The following ADAMTS17 variants were observed in gnomAD, a reference collection of about 807,000 sequenced individuals.
ADAMTS17 encodes the protein A disintegrin and metalloproteinase with thrombospondin motifs 17.
In ADAMTS17, 113 loss-of-function variants were observed where a neutral mutation model predicts 141.5. The ratio of observed to expected loss-of-function variants is 0.80; its 90% CI spans 0.69 to 0.93. ADAMTS17 has a LOEUF of 0.93. ADAMTS17 is among the 40% of genes least tolerant of loss of function. The probability of loss-of-function intolerance (pLI) is 0.00; values close to 1 mark genes in which losing one functional copy is unlikely to be tolerated. For synonymous variants in ADAMTS17, 768 were observed against 630.6 expected (o/e 1.22, Z -3.27); for missense variants, 1,659 against 1,517.9 (o/e 1.09, Z -1.54).
At chr15:100,309,708 T>C (rs1457050646) in intron 3 of ADAMTS17, among the ~76,000 whole-genome samples, 3 of 152,212 alleles carry the variant, frequency 2.0e-5, no homozygotes, top group Non-Finnish European at 4.4e-5. Flanking sequence ...CTGGCTCATA[T>C]CTTGCTTCCC....
intron 15 of ADAMTS17, among the ~76,000 whole-genome samples, chr15:100,092,758 C>G (rs995278943): frequency 6.6e-6 from 1 of 152,078 alleles, no homozygotes; most frequent in Non-Finnish European, 1.5e-5. Context: ...TTAAGGATTA[C>G]GTGAAAAGGT....
rs142115329 is a variant in ADAMTS17, at chr15:100,292,510, G to T, written c.617-11109C>A. Among the ~76,000 whole-genome samples, 96 of 151,856 alleles carry T rather than the reference G, an allele frequency of 6.3e-4. 1 individual carries two copies. In the East Asian group the frequency reaches 0.017, roughly 27 times the overall value. ...AAATTATGAGAGACACTCACCCCGT[G>T]TGAAATTATGAGAGACACTCACCCC... On this transcript the variant is annotated intron_variant, in intron 3 of 21. Coordinates refer to ENST00000268070, the MANE Select transcript of ADAMTS17 (RefSeq NM_139057.4).
chr15:100,296,041 C>T (rs1371572565), intron 3 of ADAMTS17, among the ~76,000 whole-genome samples: 1 of 152,066 alleles, frequency 6.6e-6, no homozygotes, highest in East Asian at 1.9e-4. Context: ...TCAAAGCGTA[C>T]CACAGATTTC....
At chr15:100,309,585 T>C (rs2045338003) in intron 3 of ADAMTS17, among the ~76,000 whole-genome samples, 1 of 152,110 alleles carries the variant, frequency 6.6e-6, no homozygotes, top group South Asian at 2.1e-4. Context: ...ATGGGCTTCT[T>C]GAGATTTCTG....
Position 100,132,136 on chromosome 15 carries a change from T to A in ADAMTS17, c.1592A>T (p.Glu531Val). Reference protein sequence around the residue: ...CGADKWCRAGECVSKTPIPEH... With the variant: ...CGADKWCRAGVCVSKTPIPEH... ...CGGGATGGGCGTCTTGCTCACGCAC[T>A]CCCCCGCGCGGCACCACTGAAACAC... The change falls in exon 12 of 22, where the codon GAG becomes GTG. Residue 531 changes from glutamate (E) to valine (V), a missense_variant. Physicochemically the swap from Glu to Val is moderately radical, Grantham distance 121. Transcript: ENST00000268070. The A allele has an allele frequency of 6.2e-7, 1 of 1,613,400 alleles. No homozygotes were observed. The highest frequency in any genetic ancestry group is 8.5e-7 in the Non-Finnish European group (1 of 1,179,884).
chr15:100,215,072 C>T (rs2041928260), intron 7 of ADAMTS17, among the ~76,000 whole-genome samples: 2 of 152,178 alleles, frequency 1.3e-5, no homozygotes, highest in Non-Finnish European at 2.9e-5. Flanking sequence ...CATAACAACC[C>T]AAGAATGTGG....
intron 3 of ADAMTS17, among the ~76,000 whole-genome samples, chr15:100,320,042 T>C (rs1475935481): frequency 1.3e-5 from 2 of 152,140 alleles, no homozygotes; most frequent in African/African-American, 4.8e-5. Flanking sequence ...ATATAACTTC[T>C]AAAAGTATTG....
intron 2 of ADAMTS17, among the ~76,000 whole-genome samples, chr15:100,331,686 T>C (rs117656185): frequency 6.6e-6 from 1 of 152,194 alleles, no homozygotes; most frequent in East Asian, 1.9e-4. Context: ...CGAACTGCCT[T>C]TGATCGCAGA....
chr15:100,315,296 C>T (rs1290515576), intron 3 of ADAMTS17, among the ~76,000 whole-genome samples: 1 of 152,162 alleles, frequency 6.6e-6, no homozygotes, highest in African/African-American at 2.4e-5. Flanking sequence ...TGACTCGGTT[C>T]ACCCCTCTTT....
rs60022871 is a variant in ADAMTS17, at chr15:99,973,702, C to T, written c.*700G>A. ...TGAAAATTAGATGCTTCCCCAAACCCAGACTCTCTTGGAACATTCTTCCCA... is the reference window on the plus strand; with the variant it reads ...TGAAAATTAGATGCTTCCCCAAACCTAGACTCTCTTGGAACATTCTTCCCA... On this transcript the variant is annotated 3_prime_UTR_variant, in exon 22 of 22. Coordinates refer to ENST00000268070, the MANE Select transcript of ADAMTS17 (RefSeq NM_139057.4). 0.024 allele frequency: 3,748 copies of T among 154,996 alleles called. 163 individuals carry two copies. Among genetic ancestry groups the T allele is most frequent in the African/African-American group, 0.085 (3,528 of 41,534 alleles). 9.6% of individuals were successfully genotyped at this position (154,996 alleles called of 1,614,324 possible).
At chr15:100,157,701 C>T (rs1392589465) in intron 8 of ADAMTS17, among the ~76,000 whole-genome samples, 1 of 152,154 alleles carries the variant, frequency 6.6e-6, no homozygotes, top group African/African-American at 2.4e-5. Context: ...CCGGACAACT[C>T]ATATCCATGA....
intron 7 of ADAMTS17, among the ~76,000 whole-genome samples, chr15:100,247,370 A>T (rs2141929368): frequency 6.6e-6 from 1 of 152,352 alleles, no homozygotes; most frequent in Non-Finnish European, 1.5e-5. Flanking sequence ...ACGACTTGCC[A>T]GCCTCACCCA....
chr15:100,221,968 G>C (rs1378903969), intron 7 of ADAMTS17, among the ~76,000 whole-genome samples: 2 of 152,080 alleles, frequency 1.3e-5, no homozygotes, highest in Non-Finnish European at 2.9e-5. Flanking sequence ...AGGGCCTCGA[G>C]GCCATCATCA....
chr15:100,265,579 G>C (rs930133482), intron 4 of ADAMTS17, among the ~76,000 whole-genome samples: 13 of 152,216 alleles, frequency 8.5e-5, no homozygotes, highest in Non-Finnish European at 5.9e-5. Context: ...GACACAGCAA[G>C]GGAGGGGCAG....
intron 8 of ADAMTS17, among the ~76,000 whole-genome samples, chr15:100,169,306 G>A (rs966303019): frequency 6.6e-6 from 1 of 152,174 alleles, no homozygotes; most frequent in African/African-American, 2.4e-5. Flanking sequence ...GGCAAAGGTG[G>A]AGCCACCCCT....
intron 18 of ADAMTS17, among the ~76,000 whole-genome samples, 199 bp downstream of exon 18, chr15:100,048,658 G>A (rs1439095533): frequency 7.2e-6 from 1 of 138,756 alleles, no homozygotes; most frequent in East Asian, 2.2e-4. Flanking sequence ...ATGCCTTCCA[G>A]TGAAGGTTGT....
chr15:100,237,716 C>A (rs2042703192), intron 7 of ADAMTS17, among the ~76,000 whole-genome samples: 1 of 152,188 alleles, frequency 6.6e-6, no homozygotes, highest in Non-Finnish European at 1.5e-5. Flanking sequence ...CTCCGCCTCC[C>A]AGGTTCAAGC....
At chr15:100,005,087 A>G (rs1373424128) in intron 18 of ADAMTS17, among the ~76,000 whole-genome samples, 1 of 152,206 alleles carries the variant, frequency 6.6e-6, no homozygotes, top group East Asian at 1.9e-4. Flanking sequence ...GTCACAGTTA[A>G]CGCTTCTCTA....
At position 100,305,131 on chromosome 15, in the gene ADAMTS17, G is replaced by C. The variant is rs1304435873; in HGVS notation, c.617-23730C>G. ...TGCATGTTGTGGTGCAGGAGCAGAG[G>C]GGGAGGGTCAGTACCCTTCATCCTC... On this transcript the variant is annotated intron_variant, in intron 3 of 21. Transcript: ENST00000268070. 4.3e-4 allele frequency among the ~76,000 whole-genome samples: 66 copies of C among 152,110 alleles called. 2 individuals are homozygous for C. The highest frequency in any genetic ancestry group is 4.3e-3 in the Admixed American group (65 of 15,282).
Sources: allele counts gnomAD v4.1 joint callset (sites outside exome capture counted in the v4.1 genomes callset), GRCh38; gene constraint gnomAD v4.1.1; transcripts MANE v1.5; gene names NCBI Gene and HGNC (gene_info 2026-07-23, HGNC 2026-07-21).